The following MUCL1 variants were observed in gnomAD, a reference collection of about 807,000 sequenced individuals.
The protein encoded by MUCL1 is mucin-like protein 1.
Under a neutral mutation model 9.2 loss-of-function variants are expected in MUCL1, and 11 were observed. The observed-to-expected ratio is 1.19, with a 90% CI of 0.75 to 1.97. MUCL1 has a LOEUF of 1.97. MUCL1 is among the 30% of genes most tolerant of loss of function. The pLI is 0.00. For synonymous variants in MUCL1, 48 were observed against 40.5 expected (o/e 1.19, Z -0.71); for missense variants, 144 against 110.9 (o/e 1.30, Z -1.34).
chr12:54,851,455 A>T (rs1959338586), upstream of MUCL1, among the ~76,000 whole-genome samples: 7 of 152,220 alleles, frequency 4.6e-5, no homozygotes. Flanking sequence ...ACAAAATTCA[A>T]CAACCCTTCG....
At chr12:54,853,272 T>A (rs573631926), upstream of MUCL1, among the ~76,000 whole-genome samples, 1 of 152,326 alleles carries the variant, frequency 6.6e-6, no homozygotes, top group South Asian at 2.1e-4. Flanking sequence ...GTATTCCAAA[T>A]GTTCATCACC....
intron 1 of MUCL1, 79 bp downstream of exon 1, chr12:54,854,719 G>T (rs1868286484): frequency 2.2e-6 from 3 of 1,350,642 alleles, no homozygotes. Flanking sequence ...TGGGCTTATG[G>T]TTGCTTAGAA....
rs141645939 is a variant in MUCL1, at chr12:54,839,542, T to C, written c.43+95T>C. 5,377 of 699,288 alleles carry C rather than the reference T, an allele frequency of 7.7e-3. 55 individuals are homozygous for C. Among genetic ancestry groups the C allele is most frequent in the Middle Eastern group, 0.027 (76 of 2,808 alleles). The allele number at this position is 699,288 out of a possible 1,614,324, so 43.3% of individuals were successfully genotyped here. On this transcript the variant is annotated intron_variant, in intron 1 of 3. Transcript: ENST00000546809. ...AGTGAAATGCACTGAGGTCTTTTCA[T>C]TGGGGTAGGGAGGGAGCAACCTCAT...
upstream of MUCL1, among the ~76,000 whole-genome samples, chr12:54,835,787 G>C (rs1959192273): frequency 6.6e-6 from 1 of 152,030 alleles, no homozygotes; most frequent in African/African-American, 2.4e-5. Context: ...CTACCATAAA[G>C]GGGCAATGGA....
chr12:54,852,176 CAAA>C (rs1313033244), upstream of MUCL1, among the ~76,000 whole-genome samples: 1 of 152,042 alleles, frequency 6.6e-6, no homozygotes, highest in East Asian at 1.9e-4. Context: ...CATATGGAAG[CAAA>C]AAAGAGCCCA....
At chr12:54,839,008 A>G (rs1959199011), upstream of MUCL1, among the ~76,000 whole-genome samples, 1 of 152,062 alleles carries the variant, frequency 6.6e-6, no homozygotes, top group South Asian at 2.1e-4. Flanking sequence ...GTTTTGTCAT[A>G]TTGCCAGAAT....
upstream of MUCL1, among the ~76,000 whole-genome samples, chr12:54,850,197 A>G (rs1016595927): frequency 6.6e-6 from 1 of 152,104 alleles, no homozygotes; most frequent in Non-Finnish European, 1.5e-5. Context: ...TTTTGGGTAC[A>G]TGTGCACAAC....
chr12:54,858,064 C>T, intron 3 of MUCL1, 129 bp from the exon 4 acceptor site: 2 of 1,116,076 alleles, frequency 1.8e-6, no homozygotes, highest in Non-Finnish European at 2.7e-6. Context: ...ATAACAATCC[C>T]ATGTTCCTTT....
intron 1 of MUCL1, chr12:54,839,595 T>C: frequency 1.5e-6 from 1 of 678,808 alleles, no homozygotes; most frequent in South Asian, 1.6e-5. Context: ...GGAAAATGAT[T>C]TGCCTCCCAG....
rs760605577 is a variant in MUCL1 at position 54,858,190 on chromosome 12, C to T, written c.224-3C>T. 1.2e-6 allele frequency: 2 copies of T among 1,613,086 alleles called. No homozygotes were observed. Among genetic ancestry groups the T allele is most frequent in the African/African-American group, 2.7e-5 (2 of 74,820 alleles). ...CCCTTGACAATATTTTTTTCTCTTG[C>T]AGTTTTACCCAAATGGGTTGGGGAT... On this transcript the variant is annotated splice_polypyrimidine_tract_variant and splice_region_variant and intron_variant, in intron 3 of 3. Coordinates refer to ENST00000308796, the MANE Select transcript of MUCL1 (RefSeq NM_058173.3).
intron 1 of MUCL1, among the ~76,000 whole-genome samples, chr12:54,839,952 A>C (rs896498725): frequency 6.6e-6 from 1 of 152,114 alleles, no homozygotes; most frequent in Non-Finnish European, 1.5e-5. Flanking sequence ...CGCTTTTCAC[A>C]AGCAGAAAGT....
chr12:54,855,502 C>T, intron 2 of MUCL1: 1 of 264,682 alleles, frequency 3.8e-6, no homozygotes, highest in Non-Finnish European at 7.5e-6. Context: ...GAATATATAG[C>T]CAGTGTCAAA....
Position 54,854,588 on chromosome 12 carries a change from G to T in MUCL1, c.6G>T (p.Lys2Asn). ...CTGATCTTCAGGTCACCACCATGAAGTTCTTAGCAGTCCTGGTACTCTTGG... is the reference window on the plus strand; with the variant it reads ...CTGATCTTCAGGTCACCACCATGAATTTCTTAGCAGTCCTGGTACTCTTGG... M[K>N]FLAVLVLLGV... The change falls in exon 1 of 4, where the codon AAG (lysine) becomes AAT (asparagine). Residue 2 changes from lysine to asparagine, a missense_variant. By Grantham distance (94) the Lys-to-Asn change is moderately conservative (BLOSUM62 0). Coordinates refer to ENST00000308796, the MANE Select transcript of MUCL1 (RefSeq NM_058173.3). 1 of 1,613,290 alleles carries T rather than the reference G, an allele frequency of 6.2e-7. No homozygotes were observed. Among genetic ancestry groups the T allele is most frequent in the South Asian group, 1.1e-5 (1 of 91,032 alleles).
intron 3 of MUCL1, among the ~76,000 whole-genome samples, chr12:54,857,912 A>G (rs1310256639): frequency 1.3e-5 from 2 of 152,152 alleles, no homozygotes; most frequent in East Asian, 1.9e-4. Flanking sequence ...AGAAGGCTGG[A>G]TCTCTGTGCC....
Position 54,856,791 on chromosome 12 carries a change from C to A in MUCL1, c.122C>A (p.Ala41Asp). The change falls in exon 3 of 4, where the codon GCC (alanine) becomes GAC (aspartate). Residue 41 changes from alanine (A) to aspartate (D), a missense_variant. Transcript: ENST00000308796. ...TCAGCTGGTCCTGCTGATGATGAAG[C>A]CCCTGATGCTGAAACCACTGCTGCT... is the stretch of plus-strand genomic sequence containing the variant. Reference protein sequence around the residue: ...YPATGPADDEAPDAETTAAAT... With the variant: ...YPATGPADDEDPDAETTAAAT... The A allele has an allele frequency of 6.2e-7, 1 of 1,613,016 alleles. No individual in the cohort carries two copies. Among genetic ancestry groups the A allele is most frequent in the African/African-American group, 1.3e-5 (1 of 75,002 alleles).
intron 1 of MUCL1, among the ~76,000 whole-genome samples, chr12:54,840,963 A>G (rs1487117479): frequency 6.6e-6 from 1 of 152,238 alleles, no homozygotes; most frequent in Admixed American, 6.5e-5. Flanking sequence ...ATGAAACTGT[A>G]TAATTTGACC....
At chr12:54,857,827 A>G (rs1034641867) in intron 3 of MUCL1, among the ~76,000 whole-genome samples, 3 of 152,180 alleles carry the variant, frequency 2.0e-5, no homozygotes, top group Non-Finnish European at 4.4e-5. Context: ...TCATGTCTGA[A>G]TCAGTGCTTG....
intron 1 of MUCL1, among the ~76,000 whole-genome samples, chr12:54,849,094 C>T (rs1448209578): frequency 6.6e-6 from 1 of 152,006 alleles, no homozygotes; most frequent in Admixed American, 6.5e-5. Context: ...AGTTAGAGTT[C>T]TAAGAAGTAG....
At chr12:54,850,414 G>T (rs547718254), upstream of MUCL1, among the ~76,000 whole-genome samples, 1 of 151,352 alleles carries the variant, frequency 6.6e-6, no homozygotes, top group South Asian at 2.1e-4. Flanking sequence ...ACGGTGTTTG[G>T]TTTTTTGTCC....
Sources: allele counts gnomAD v4.1 joint callset (sites outside exome capture counted in the v4.1 genomes callset), GRCh38; gene constraint gnomAD v4.1.1; transcripts MANE v1.5; gene names NCBI Gene and HGNC (gene_info 2026-07-23, HGNC 2026-07-21).